The following EPHX4 variants were observed in gnomAD, a reference collection of about 807,000 sequenced individuals.
EPHX4 encodes epoxide hydrolase 4.
A neutral mutation model predicts 44.9 loss-of-function variants in EPHX4; 31 were observed. That is an observed-to-expected ratio of 0.69 (90% CI 0.52 to 0.93). The LOEUF is 0.93. EPHX4 is among the 40% of genes least tolerant of loss of function. The pLI is 0.00. For missense variants in EPHX4, 373 were observed against 438.1 expected (o/e 0.85, Z 1.33); for synonymous variants, 151 against 159.7 (o/e 0.95, Z 0.41).
At chr1:92,048,996 C>A (rs1198904560) in intron 4 of EPHX4, among the ~76,000 whole-genome samples, 2 of 151,688 alleles carry the variant, frequency 1.3e-5, no homozygotes, top group African/African-American at 4.8e-5. Context: ...AGCCACCATG[C>A]CTGGCTTTAC....
intron 4 of EPHX4, among the ~76,000 whole-genome samples, chr1:92,048,176 T>C (rs1688608288): frequency 6.6e-6 from 1 of 152,032 alleles, no homozygotes; most frequent in South Asian, 2.1e-4. Context: ...AAGTGTTGAG[T>C]TGAATTTTAG....
chr1:92,040,151 A>G (rs572325024), intron 2 of EPHX4, among the ~76,000 whole-genome samples: 6 of 150,326 alleles, frequency 4.0e-5, no homozygotes, highest in Non-Finnish European at 8.9e-5. Flanking sequence ...TCCTGATGAT[A>G]TAAGGTGGTT....
intron 2 of EPHX4, among the ~76,000 whole-genome samples, chr1:92,033,997 C>CTTTTTT (rs36075635): frequency 5.5e-5 from 6 of 109,150 alleles, no homozygotes; most frequent in South Asian, 3.3e-4. Flanking sequence ...CATGTTTAAA[C>CTTTTTT]TTTTTTTTTT....
intron 3 of EPHX4, among the ~76,000 whole-genome samples, chr1:92,044,954 C>G (rs1329566136): frequency 6.6e-6 from 1 of 151,966 alleles, no homozygotes; most frequent in Non-Finnish European, 1.5e-5. Context: ...TTGTACCCCC[C>G]CACACTTTTT....
chr1:92,052,912 A>G (rs996463453), intron 6 of EPHX4, among the ~76,000 whole-genome samples: 4 of 152,168 alleles, frequency 2.6e-5, no homozygotes, highest in Non-Finnish European at 5.9e-5. Context: ...CTCTCCTTTT[A>G]GATTATTTGG....
intron 6 of EPHX4, among the ~76,000 whole-genome samples, chr1:92,053,247 C>T (rs1441629869): frequency 6.6e-6 from 1 of 151,956 alleles, no homozygotes; most frequent in South Asian, 2.1e-4. Context: ...GACAGGCATT[C>T]CAGAAAAAGG....
chr1:92,049,118 G>A (rs1178814427), intron 4 of EPHX4, among the ~76,000 whole-genome samples: 1 of 151,772 alleles, frequency 6.6e-6, no homozygotes, highest in African/African-American at 2.4e-5. Flanking sequence ...TATTATTCTG[G>A]TCCTACATGA....
At chr1:92,035,590 A>G (rs1043762308) in intron 2 of EPHX4, among the ~76,000 whole-genome samples, 2 of 152,216 alleles carry the variant, frequency 1.3e-5, no homozygotes, top group Non-Finnish European at 2.9e-5. Flanking sequence ...CTAAGCATTT[A>G]CTATGAGCCA....
Position 92,063,275 on chromosome 1 carries a change from A to C in EPHX4, c.1078A>C (p.Lys360Gln), listed in dbSNP as rs752729930. The C allele has an allele frequency of 6.9e-6, 11 of 1,587,576 alleles. No individual in the cohort carries two copies. In the South Asian group the frequency reaches 1.2e-4, roughly 18 times the overall value. ...GACATTTCTAAAAGAAGAAACAAGA[A>C]AAAAAGATTGACTTTTCTTTATCTT... ...IWTFLKEETR[K>Q]KD Residue 360 changes from lysine to glutamine, a missense_variant, in exon 7 of 7, where the codon AAA becomes CAA. Transcript: ENST00000370383.
chr1:92,031,814 T>C (rs1272997647), intron 1 of EPHX4, among the ~76,000 whole-genome samples: 4 of 152,196 alleles, frequency 2.6e-5, no homozygotes, highest in Non-Finnish European at 5.9e-5. Context: ...TTTTTTTAAT[T>C]TTCCTTGGGT....
chr1:92,060,659 C>T (rs1198267204), intron 6 of EPHX4, among the ~76,000 whole-genome samples: 1 of 151,942 alleles, frequency 6.6e-6, no homozygotes, highest in African/African-American at 2.4e-5. Flanking sequence ...TGGCTCACAC[C>T]TGTAATCCCA....
rs754389454 is a variant in EPHX4, at chr1:92,035,719, G to A, written c.317+3129G>A. On this transcript the variant is annotated intron_variant, in intron 2 of 6. Coordinates refer to ENST00000370383, the MANE Select transcript of EPHX4 (RefSeq NM_173567.5). ...CTGCAACTATCAACCCGTCATGTAG[G>A]TATTAAGTCCAGCATTCATTAGCTA... Among the ~76,000 whole-genome samples the A allele has an allele frequency of 2.0e-5, 3 of 152,112 alleles. 1 individual carries two copies. Among genetic ancestry groups the A allele is most frequent in the South Asian group, 4.1e-4 (2 of 4,824 alleles).
chr1:92,033,695 T>G (rs1688394497), intron 2 of EPHX4, among the ~76,000 whole-genome samples: 1 of 152,242 alleles, frequency 6.6e-6, no homozygotes, highest in South Asian at 2.1e-4. Context: ...CGTTCATTTT[T>G]GTTGCTAACA....
intron 6 of EPHX4, among the ~76,000 whole-genome samples, chr1:92,057,638 C>T (rs990792950): frequency 2.0e-4 from 31 of 151,784 alleles, no homozygotes; most frequent in Non-Finnish European, 4.1e-4. Context: ...CTTGCTCTGC[C>T]GTCCAGACTG....
At chr1:92,042,621 A>G (rs1165670894) in intron 2 of EPHX4, among the ~76,000 whole-genome samples, 1 of 151,656 alleles carries the variant, frequency 6.6e-6, no homozygotes, top group Non-Finnish European at 1.5e-5. Context: ...GCTTTTTAGG[A>G]AACTGAGGCA....
chr1:92,050,725 G>C (rs1018209005), intron 5 of EPHX4, among the ~76,000 whole-genome samples: 1 of 151,464 alleles, frequency 6.6e-6, no homozygotes, highest in Non-Finnish European at 1.5e-5. Flanking sequence ...AGAAGACTTC[G>C]GGGTTAAAAA....
At chr1:92,054,587 C>CAA (rs745316500) in intron 6 of EPHX4, among the ~76,000 whole-genome samples, 25 of 54,574 alleles carry the variant, frequency 4.6e-4, no homozygotes, top group East Asian at 1.3e-3. Context: ...GACTCCATCT[C>CAA]AAAAAAAAAA....
intron 4 of EPHX4, among the ~76,000 whole-genome samples, chr1:92,046,976 C>T (rs1476180903): frequency 6.6e-6 from 1 of 152,164 alleles, no homozygotes; most frequent in East Asian, 1.9e-4. Flanking sequence ...ATCAAAAAAT[C>T]ACATTCTTTG....
chr1:92,049,427 C>G (rs929470093), intron 4 of EPHX4, among the ~76,000 whole-genome samples: 15 of 152,266 alleles, frequency 9.9e-5, no homozygotes, highest in Non-Finnish European at 1.9e-4. Flanking sequence ...GGTATTATTG[C>G]TCTCTAAAGT....
Sources: gnomAD v4.1 joint callset for allele counts (sites outside exome capture counted in the v4.1 genomes callset) on GRCh38, gnomAD v4.1.1 for gene constraint, MANE v1.5 for transcripts, NCBI Gene and HGNC (gene_info 2026-07-23, HGNC 2026-07-21) for gene names.